The following TCF12 variants were observed in gnomAD, a reference collection of about 807,000 sequenced individuals.
TCF12 encodes the protein DNA-binding protein HTF4.
Under a neutral mutation model 86.0 loss-of-function variants are expected in TCF12, and 45 were observed. That is an observed-to-expected ratio of 0.52 (90% CI 0.41 to 0.67). The LOEUF is 0.67. Among genes scored for constraint, TCF12 ranks in the 30% least tolerant of loss-of-function variants. TCF12 has a pLI of 0.00. For synonymous variants in TCF12, 330 were observed against 299.6 expected (o/e 1.10, Z -1.05); for missense variants, 881 against 859.9 (o/e 1.02, Z -0.31).
chr15:56,938,363 G>A (rs2060576228), intron 3 of TCF12, among the ~76,000 whole-genome samples: 1 of 151,974 alleles, frequency 6.6e-6, no homozygotes, highest in South Asian at 2.1e-4. Flanking sequence ...GTTTCACCAT[G>A]TTGGCCAGGA....
At chr15:57,086,587 T>G (rs182917081) in intron 4 of TCF12, among the ~76,000 whole-genome samples, 1 of 151,882 alleles carries the variant, frequency 6.6e-6, no homozygotes, top group Non-Finnish European at 1.5e-5. Context: ...CGTGCAATGA[T>G]GGAGTGCTCA....
At chr15:57,046,681 C>T (rs2067252402) in intron 3 of TCF12, among the ~76,000 whole-genome samples, 2 of 152,078 alleles carry the variant, frequency 1.3e-5, no homozygotes, top group East Asian at 3.9e-4. Flanking sequence ...TTCTCGAACT[C>T]CTGACCTCAA....
intron 4 of TCF12, among the ~76,000 whole-genome samples, chr15:57,077,327 A>ATGTGTGTGTGTGTGTG (rs1172206511): frequency 3.9e-5 from 1 of 25,702 alleles, no homozygotes; most frequent in Non-Finnish European, 5.9e-5. Flanking sequence ...ATGTATATAT[A>ATGTGTGTGTGTGTGTG]TGTGTGTGTG....
intron 3 of TCF12, among the ~76,000 whole-genome samples, chr15:57,002,997 C>A (rs530794675): frequency 6.6e-6 from 1 of 152,168 alleles, no homozygotes; most frequent in African/African-American, 2.4e-5. Flanking sequence ...TATGCCACTA[C>A]TAGGTTAACA....
chr15:57,030,573 A>G (rs2066106904), intron 3 of TCF12, among the ~76,000 whole-genome samples: 1 of 152,186 alleles, frequency 6.6e-6, no homozygotes, highest in South Asian at 2.1e-4. Flanking sequence ...TTTTGAAAGT[A>G]ATCACGTTCA....
intron 3 of TCF12, among the ~76,000 whole-genome samples, chr15:56,965,067 G>A (rs1444975643): frequency 6.6e-6 from 1 of 152,116 alleles, no homozygotes; most frequent in Non-Finnish European, 1.5e-5. Context: ...CACTTAAGTG[G>A]TAGTATTCTA....
chr15:57,096,500 C>T (rs2049332291), intron 5 of TCF12, among the ~76,000 whole-genome samples: 1 of 151,972 alleles, frequency 6.6e-6, no homozygotes, highest in South Asian at 2.1e-4. Context: ...GATTGGGTCC[C>T]CTGATGCTCA....
At chr15:56,945,318 AT>A (rs2060947444) in intron 3 of TCF12, among the ~76,000 whole-genome samples, 3 of 151,942 alleles carry the variant, frequency 2.0e-5, no homozygotes, top group Non-Finnish European at 4.4e-5. Flanking sequence ...GTTTATATTA[AT>A]CCATGTATTT....
chr15:57,083,709 C>G (rs188534011), intron 4 of TCF12, among the ~76,000 whole-genome samples: 13 of 152,240 alleles, frequency 8.5e-5, no homozygotes, highest in African/African-American at 3.1e-4. Flanking sequence ...CACAGCCTTC[C>G]AAGTAGCTGG....
intron 5 of TCF12, among the ~76,000 whole-genome samples, chr15:57,122,970 G>A (rs949126153): frequency 3.9e-5 from 6 of 152,168 alleles, no homozygotes; most frequent in African/African-American, 1.4e-4. Context: ...ATGGAAAGGG[G>A]TCTCAGATTA....
chr15:56,999,595 C>T (rs543037558), intron 3 of TCF12, among the ~76,000 whole-genome samples: 5 of 151,944 alleles, frequency 3.3e-5, no homozygotes, highest in African/African-American at 7.2e-5. Flanking sequence ...TGAATTTGGC[C>T]GGGTGCAGTG....
intron 5 of TCF12, among the ~76,000 whole-genome samples, chr15:57,132,864 A>G (rs1393525084): frequency 2.6e-5 from 4 of 152,178 alleles, no homozygotes; most frequent in African/African-American, 7.2e-5. Flanking sequence ...GCCTATGTCT[A>G]ATTATAGCAA....
intron 3 of TCF12, among the ~76,000 whole-genome samples, chr15:56,962,885 C>G (rs2061831022): frequency 6.6e-6 from 1 of 152,124 alleles, no homozygotes; most frequent in Non-Finnish European, 1.5e-5. Context: ...CATTTAATGA[C>G]TTTATTGTAG....
intron 5 of TCF12, among the ~76,000 whole-genome samples, chr15:57,148,142 C>T (rs1010607963): frequency 6.6e-6 from 1 of 151,950 alleles, no homozygotes; most frequent in Non-Finnish European, 1.5e-5. Flanking sequence ...CCTTGGCCTT[C>T]CAAAGTGCTG....
chr15:57,063,532 C>T (rs2068618614), intron 3 of TCF12, among the ~76,000 whole-genome samples: 1 of 152,114 alleles, frequency 6.6e-6, no homozygotes, highest in Non-Finnish European at 1.5e-5. Context: ...TTCTGAATTA[C>T]TATAATTTAC....
At chr15:57,055,192 AG>A (rs1184905052) in intron 3 of TCF12, among the ~76,000 whole-genome samples, 3 of 152,156 alleles carry the variant, frequency 2.0e-5, no homozygotes, top group Admixed American at 2.0e-4. Context: ...AGCCGGGGTC[AG>A]GAGTTCGAGA....
intron 3 of TCF12, among the ~76,000 whole-genome samples, chr15:56,950,055 T>C (rs1383609222): frequency 6.6e-6 from 1 of 152,190 alleles, no homozygotes; most frequent in Non-Finnish European, 1.5e-5. Flanking sequence ...TGGGAAACCA[T>C]CACCACAATC....
At chr15:57,216,618 C>T (rs1490554456) in intron 8 of TCF12, among the ~76,000 whole-genome samples, 1 of 150,030 alleles carries the variant, frequency 6.7e-6, no homozygotes, top group Non-Finnish European at 1.5e-5. Context: ...TAAAGCAGCA[C>T]TTGATCCATC....
chr15:57,177,997 C>A (rs1169216985), intron 6 of TCF12, among the ~76,000 whole-genome samples: 3 of 152,096 alleles, frequency 2.0e-5, no homozygotes, highest in Admixed American at 6.5e-5. Flanking sequence ...ACTTAGTGCT[C>A]GTTGGAAGCA....
Sources: gnomAD v4.1 joint callset for allele counts (sites outside exome capture counted in the v4.1 genomes callset) on GRCh38, gnomAD v4.1.1 for gene constraint, MANE v1.5 for transcripts, NCBI Gene and HGNC (gene_info 2026-07-23, HGNC 2026-07-21) for gene names.